Variants in SIRT1 observed in about 807,000 individuals in gnomAD.
The protein encoded by SIRT1 is sirtuin 1.
SIRT1 carries 24 observed loss-of-function variants against 67.9 expected under a neutral mutation model. That is an observed-to-expected ratio of 0.35 (90% confidence interval 0.26 to 0.50). The LOEUF is 0.50. Among genes scored for constraint, SIRT1 ranks in the 20% least tolerant of loss-of-function variants. The pLI, the probability that SIRT1 is intolerant of heterozygous loss-of-function variation, is 0.98. For synonymous variants in SIRT1, 378 were observed against 350.7 expected (o/e 1.08, Z -0.87); for missense variants, 873 against 937.2 (o/e 0.93, Z 0.89).
intron 4 of SIRT1, among the ~76,000 whole-genome samples, chr10:67,895,365 G>C (rs1156797934): frequency 4.6e-5 from 7 of 152,204 alleles, no homozygotes; most frequent in Non-Finnish European, 4.4e-5. Context: ...GGAGGTTGCA[G>C]TGAGCCGAAA....
chr10:67,906,965 T>A, intron 5 of SIRT1, 28 bp downstream of exon 5: 1 of 1,520,930 alleles, frequency 6.6e-7, no homozygotes. Flanking sequence ...TGGTTTTCTG[T>A]AATTTATTTT....
At chr10:67,886,497 AG>A (rs1180063430) in intron 1 of SIRT1, among the ~76,000 whole-genome samples, 2 of 149,490 alleles carry the variant, frequency 1.3e-5, no homozygotes, top group Non-Finnish European at 3.0e-5. Flanking sequence ...TCGAGGTTGC[AG>A]TGAGCTGTGA....
chr10:67,889,340 C>G (rs1011287449), intron 3 of SIRT1, among the ~76,000 whole-genome samples: 4 of 152,182 alleles, frequency 2.6e-5, no homozygotes, highest in African/African-American at 9.7e-5. Context: ...ATTTATAGCA[C>G]AGTGGGTAAA....
rs2029930318 is a variant in SIRT1, at chr10:67,916,798, TTTTTA to T, written c.*206_*210del. 8.6e-6 allele frequency: 3 copies of T among 348,212 alleles called. No individual in the cohort carries two copies. In the East Asian group the frequency reaches 1.2e-4, roughly 14 times the overall value. The allele number at this position is 348,212 out of a possible 1,614,324, so 21.6% of individuals were successfully genotyped here. ...TACAAACTCAACACTAACTTTTTTT[TTTTTA>T]AAAAAAAAAAGGTACTAAGTATCTT... On this transcript the variant is annotated 3_prime_UTR_variant, in exon 9 of 9. Transcript: ENST00000212015.
intron 3 of SIRT1, among the ~76,000 whole-genome samples, chr10:67,890,324 G>C (rs1278677443): frequency 6.6e-6 from 1 of 152,058 alleles, no homozygotes; most frequent in African/African-American, 2.4e-5. Flanking sequence ...AAAGTGCCAG[G>C]ATTACAGGCG....
chr10:67,905,807 G>A (rs1436720057), intron 4 of SIRT1, among the ~76,000 whole-genome samples: 1 of 152,148 alleles, frequency 6.6e-6, no homozygotes, highest in African/African-American at 2.4e-5. Flanking sequence ...CGTATGTCAT[G>A]AACCATTTTC....
At chr10:67,907,973 T>C (rs1842846209) in intron 5 of SIRT1, 73 bp from the exon 6 acceptor site, 4 of 1,278,398 alleles carry the variant, frequency 3.1e-6, no homozygotes, top group African/African-American at 1.5e-5. Context: ...TGTTAAACTT[T>C]ATAACGTTTG....
At position 67,884,956 on chromosome 10, in the gene SIRT1, G is replaced by C. The variant is rs1842450833; in HGVS notation, c.235G>C (p.Ala79Pro). Residue 79 changes from alanine to proline, a missense_variant, in exon 1 of 9, where the codon GCG becomes CCG. Physicochemically the swap from Ala to Pro is conservative, Grantham distance 27. Transcript: ENST00000212015. ...GAAAAALWRE[A>P]EAEAAAAGGE... ...GGCGGCGGCGGCGCTGTGGCGGGAG[G>C]CGGAGGCAGAGGCGGCGGCGGCAGG... 4 of 1,260,428 alleles carry C rather than the reference G, an allele frequency of 3.2e-6. No individual in the cohort carries two copies. Among genetic ancestry groups the C allele is most frequent in the Non-Finnish European group, 3.0e-6 (3 of 1,003,622 alleles). 78.1% of individuals were successfully genotyped at this position (1,260,428 alleles called of 1,614,324 possible). A position where few individuals can be genotyped will look rare whatever the true frequency, so the allele number is the denominator to read the frequency against.
At chr10:67,898,580 C>T (rs1166055517) in intron 4 of SIRT1, among the ~76,000 whole-genome samples, 1 of 152,162 alleles carries the variant, frequency 6.6e-6, no homozygotes, top group Non-Finnish European at 1.5e-5. Context: ...CAGTGCCATT[C>T]ATCTGAAAAT....
At position 67,916,392 on chromosome 10, in the gene SIRT1, G is replaced by T. The variant is rs1422369208; in HGVS notation, c.2043G>T (p.Gln681His). ...CGSNSDSGTC[Q>H]SPSLEEPMED... ...GTAACAGTGATAGTGGGACATGCCA[G>T]AGTCCAAGTTTAGAAGAACCCATGG... is the stretch of plus-strand genomic sequence containing the variant. The change falls in exon 9 of 9, where the codon CAG (glutamine) becomes CAT (histidine). Residue 681 changes from glutamine (Q) to histidine (H), a missense_variant. This residue lies in a region of SIRT1 where 295 missense variants were observed against 294.5 expected (regional missense o/e 1.00). Transcript: ENST00000212015. The T allele has an allele frequency of 9.3e-6, 15 of 1,614,188 alleles. No homozygotes were observed. In the South Asian group the frequency reaches 1.5e-4, roughly 17 times the overall value.
rs1027742525 is a variant in SIRT1, at chr10:67,914,264, G to C, written c.1915+1233G>C. Among the ~76,000 whole-genome samples, 9 of 151,888 alleles carry C rather than the reference G, an allele frequency of 5.9e-5. No individual in the cohort carries two copies. The South Asian group carries it at 1.9e-3, about 32-fold the overall frequency. ...TTCTTGTATTTTTAGTAGAGACGGGGTTTCGCCATGTTGGTCAGGCTGGTC... is the reference window on the plus strand; with the variant it reads ...TTCTTGTATTTTTAGTAGAGACGGGCTTTCGCCATGTTGGTCAGGCTGGTC... On this transcript the variant is annotated intron_variant, in intron 8 of 8. Transcript: ENST00000212015.
At chr10:67,885,452 CTT>C (rs1842462214) in intron 1 of SIRT1, 10 of 1,157,638 alleles carry the variant, frequency 8.6e-6, no homozygotes, top group Non-Finnish European at 9.7e-6. Flanking sequence ...CCCTCTTACT[CTT>C]TTAGCATATT....
At chr10:67,894,932 G>A (rs541735690) in intron 4 of SIRT1, among the ~76,000 whole-genome samples, 1 of 152,220 alleles carries the variant, frequency 6.6e-6, no homozygotes, top group African/African-American at 2.4e-5. Context: ...TCGTGACCTC[G>A]TGATCCGCCC....
chr10:67,904,560 G>A (rs904084883), intron 4 of SIRT1, among the ~76,000 whole-genome samples: 1 of 151,976 alleles, frequency 6.6e-6, no homozygotes, highest in African/African-American at 2.4e-5. Context: ...TAAAACGTAC[G>A]CTTGGCCGGG....
At chr10:67,903,214 T>C (rs1842769515) in intron 4 of SIRT1, among the ~76,000 whole-genome samples, 1 of 152,106 alleles carries the variant, frequency 6.6e-6, no homozygotes, top group East Asian at 1.9e-4. Flanking sequence ...CCCTCCTCTG[T>C]CTCCCCAGTA....
At chr10:67,912,254 G>A (rs187981150) in intron 7 of SIRT1, among the ~76,000 whole-genome samples, 53 of 152,270 alleles carry the variant, frequency 3.5e-4, no homozygotes, top group African/African-American at 1.2e-3. Flanking sequence ...GGGTAACCAG[G>A]TGATAGGAGC....
chr10:67,904,692 A>G (rs1842794911), intron 4 of SIRT1, among the ~76,000 whole-genome samples: 1 of 152,092 alleles, frequency 6.6e-6, no homozygotes, highest in Admixed American at 6.6e-5. Context: ...CTAAAAATAC[A>G]AAATTAGCTG....
At chr10:67,897,948 C>CTTT (rs1193148620) in intron 4 of SIRT1, among the ~76,000 whole-genome samples, 9 of 108,906 alleles carry the variant, frequency 8.3e-5, no homozygotes, top group Non-Finnish European at 1.5e-4. Context: ...TATAAAATAA[C>CTTT]TTTTTTTTTT....
intron 4 of SIRT1, among the ~76,000 whole-genome samples, chr10:67,898,989 A>T (rs1324952157): frequency 6.6e-6 from 1 of 152,176 alleles, no homozygotes; most frequent in Non-Finnish European, 1.5e-5. Flanking sequence ...ATTTGGATGT[A>T]CAAATAGTGT....
Sources: allele counts gnomAD v4.1 joint callset (sites outside exome capture counted in the v4.1 genomes callset), GRCh38; gene constraint gnomAD v4.1.1; regional missense constraint gnomAD v4.1.1; transcripts MANE v1.5; gene names NCBI Gene and HGNC (gene_info 2026-07-23, HGNC 2026-07-21).